Variants in RBFOX3 observed in about 807,000 individuals in gnomAD.
RBFOX3 encodes RNA binding protein fox-1 homolog 3.
A neutral mutation model predicts 48.7 loss-of-function variants in RBFOX3; 17 were observed. That is an observed-to-expected ratio of 0.35 (90% CI 0.24 to 0.52). The LOEUF (loss-of-function observed/expected upper bound fraction) is 0.52, where lower values mean the gene tolerates loss of function less well. RBFOX3 is among the 20% of genes least tolerant of loss of function. The probability of loss-of-function intolerance (pLI) is 0.94; values close to 1 mark genes in which losing one functional copy is unlikely to be tolerated. For synonymous variants in RBFOX3, 212 were observed against 209.5 expected, an observed-to-expected ratio of 1.01 and a Z score of -0.10; for missense variants, 382 against 497.5, an observed-to-expected ratio of 0.77 and a Z score of 2.21.
chr17:79,589,737 C>CT (rs1442926432), intron 1 of RBFOX3, among the ~76,000 whole-genome samples: 3 of 152,102 alleles, frequency 2.0e-5, no homozygotes, highest in African/African-American at 7.2e-5. Context: ...CCGACACCCT[C>CT]CACACAACCC....
chr17:79,285,142 T>C (rs73999987), intron 3 of RBFOX3, among the ~76,000 whole-genome samples: 3,206 of 152,298 alleles, frequency 0.021, 131 homozygotes, highest in African/African-American at 0.073. Flanking sequence ...GAAAATCTCC[T>C]TCTACGACGC....
intron 2 of RBFOX3, among the ~76,000 whole-genome samples, chr17:79,399,593 C>T (rs988881638): frequency 2.6e-5 from 4 of 152,042 alleles, no homozygotes; most frequent in Non-Finnish European, 5.9e-5. Context: ...CAGCAGGCCA[C>T]GCTCTCCCAG....
chr17:79,257,593 C>G (rs541896163), intron 3 of RBFOX3, among the ~76,000 whole-genome samples: 1 of 152,010 alleles, frequency 6.6e-6, no homozygotes, highest in African/African-American at 2.4e-5. Context: ...TTTTTTTTCC[C>G]CCTCTGAGAC....
At chr17:79,437,353 G>A (rs1192455354) in intron 2 of RBFOX3, among the ~76,000 whole-genome samples, 1 of 152,180 alleles carries the variant, frequency 6.6e-6, no homozygotes, top group Non-Finnish European at 1.5e-5. Context: ...CGCTCCTCCT[G>A]GAGCTCCTCC....
intron 2 of RBFOX3, among the ~76,000 whole-genome samples, chr17:79,403,148 G>T (rs2063035576): frequency 6.6e-6 from 1 of 152,190 alleles, no homozygotes; most frequent in Admixed American, 6.5e-5. Flanking sequence ...CCTCGCTGGG[G>T]CCCTGAACAG....
At chr17:79,260,609 C>T (rs757841085) in intron 3 of RBFOX3, among the ~76,000 whole-genome samples, 2 of 152,202 alleles carry the variant, frequency 1.3e-5, no homozygotes, top group Non-Finnish European at 2.9e-5. Flanking sequence ...AAGGCCAAAT[C>T]CAGAGCCCCA....
intron 3 of RBFOX3, among the ~76,000 whole-genome samples, chr17:79,280,587 T>C (rs2070173789): frequency 1.3e-5 from 2 of 152,284 alleles, no homozygotes; most frequent in Middle Eastern, 3.4e-3. Context: ...CAGGTTCCCA[T>C]AACGCCTTTG....
At chr17:79,383,008 A>G (rs1341100289) in intron 2 of RBFOX3, among the ~76,000 whole-genome samples, 3 of 142,292 alleles carry the variant, frequency 2.1e-5, no homozygotes, top group African/African-American at 8.5e-5. Flanking sequence ...CACATTTCCA[A>G]ATCAATCAAT....
At chr17:79,246,314 G>A (rs2063164331) in intron 3 of RBFOX3, among the ~76,000 whole-genome samples, 1 of 152,238 alleles carries the variant, frequency 6.6e-6, no homozygotes, top group African/African-American at 2.4e-5. Flanking sequence ...GCACAGCACT[G>A]CATGAGAGGA....
At chr17:79,350,940 C>G (rs1231536536) in intron 2 of RBFOX3, among the ~76,000 whole-genome samples, 1 of 152,216 alleles carries the variant, frequency 6.6e-6, no homozygotes, top group Non-Finnish European at 1.5e-5. Flanking sequence ...CTGGCATCCC[C>G]TGGTAACCTC....
the RBFOX3 span, among the ~76,000 whole-genome samples, chr17:79,626,087 C>T: frequency 6.6e-6 from 1 of 152,042 alleles, no homozygotes; most frequent in Non-Finnish European, 1.5e-5. Flanking sequence ...TGGCCTGGGG[C>T]AGTAAGCGGC....
At chr17:79,287,846 G>A (rs914058073) in intron 3 of RBFOX3, among the ~76,000 whole-genome samples, 1 of 152,158 alleles carries the variant, frequency 6.6e-6, no homozygotes, top group South Asian at 2.1e-4. Flanking sequence ...TGGAATGGAC[G>A]GGCTCATGGG....
intron 1 of RBFOX3, among the ~76,000 whole-genome samples, chr17:79,529,924 C>T (rs1779331183): frequency 6.6e-6 from 1 of 152,228 alleles, no homozygotes; most frequent in Admixed American, 6.5e-5. Context: ...TCCATGGCTG[C>T]CTTCCTGCTG....
Position 79,299,110 on chromosome 17 carries a change from A to G in RBFOX3, c.-74+8614T>C, listed in dbSNP as rs1412349127. ...TCGGAAATACGGGAGGGACATGGGA[A>G]ATGAACTAATAAATAAGAGGCCAGG... is the stretch of plus-strand genomic sequence containing the variant. On this transcript the variant is annotated intron_variant, in intron 3 of 14. Coordinates refer to ENST00000693108, the MANE Select transcript of RBFOX3 (RefSeq NM_001350451.2). The surrounding 1 kb of genome is among the most constrained non-coding windows in gnomAD (Gnocchi z 4.5). 6.6e-6 allele frequency among the ~76,000 whole-genome samples: 1 copy of G among 151,346 alleles called. No individual in the cohort carries two copies. The highest frequency in any genetic ancestry group is 1.5e-5 in the Non-Finnish European group (1 of 67,886).
intron 3 of RBFOX3, among the ~76,000 whole-genome samples, chr17:79,271,775 G>A (rs1362743090): frequency 6.6e-6 from 1 of 152,188 alleles, no homozygotes; most frequent in South Asian, 2.1e-4. Flanking sequence ...CAGAGCCACT[G>A]TAGAAAGTAT....
chr17:79,266,946 C>T (rs72846874), intron 3 of RBFOX3, among the ~76,000 whole-genome samples: 3,232 of 152,284 alleles, frequency 0.021, 38 homozygotes, highest in Non-Finnish European at 0.03. Flanking sequence ...CATTTGCATG[C>T]CACTTTCTTG....
Position 79,421,212 on chromosome 17 carries a change from TTC to T in RBFOX3, c.-175+61240_-175+61241del, listed in dbSNP as rs1270942596. Among the ~76,000 whole-genome samples, 2 of 152,106 alleles carry T rather than the reference TTC, an allele frequency of 1.3e-5. No individual in the cohort carries two copies. Among genetic ancestry groups the T allele is most frequent in the African/African-American group, 4.8e-5 (2 of 41,438 alleles). On this transcript the variant is annotated intron_variant, in intron 2 of 14. Coordinates refer to ENST00000693108, the MANE Select transcript of RBFOX3 (RefSeq NM_001350451.2). The surrounding 1 kb of genome is among the most constrained non-coding windows in gnomAD (Gnocchi z 4.5). Reference sequence around the variant, plus strand: ...TCCATGCCCTAACCTCCGCGGCCGCTTCTCTCAGCTGGTTCCACCCTGTGTCT... The same window carrying T: ...TCCATGCCCTAACCTCCGCGGCCGCTTCTCAGCTGGTTCCACCCTGTGTCT...
intron 4 of RBFOX3, among the ~76,000 whole-genome samples, chr17:79,117,797 C>T (rs916723375): frequency 5.3e-5 from 8 of 152,352 alleles, no homozygotes; most frequent in East Asian, 3.9e-4. Context: ...ACAGCAACCC[C>T]GACAGCCCCT....
chr17:79,413,165 C>T (rs2064746251), intron 2 of RBFOX3, among the ~76,000 whole-genome samples: 2 of 152,214 alleles, frequency 1.3e-5, no homozygotes, highest in South Asian at 4.1e-4. Context: ...GAGACCAAAA[C>T]AGAAACCTCA....
Sources: gnomAD v4.1 joint callset for allele counts (sites outside exome capture counted in the v4.1 genomes callset) on GRCh38, gnomAD v4.1.1 for gene constraint, Gnocchi (gnomAD v3.1) non-coding constraint, MANE v1.5 for transcripts, NCBI Gene and HGNC (gene_info 2026-07-23, HGNC 2026-07-21) for gene names.